Variants in CDH4 observed in about 807,000 individuals in gnomAD.
The protein encoded by CDH4 is cadherin 4.
CDH4 carries 33 observed loss-of-function variants against 86.0 expected under a neutral mutation model. The observed-to-expected ratio is 0.38, with a 90% confidence interval of 0.29 to 0.51. The LOEUF is 0.51. CDH4 is among the 20% of genes least tolerant of loss of function. The pLI is 0.86. For missense variants in CDH4, 1,114 were observed against 1,307.4 expected, an observed-to-expected ratio of 0.85 and a Z score of 2.28; for synonymous variants, 555 against 549.4, an observed-to-expected ratio of 1.01 and a Z score of -0.14.
intron 8 of CDH4, among the ~76,000 whole-genome samples, chr20:61,905,871 G>C (rs756795942): frequency 2.0e-5 from 3 of 151,920 alleles, no homozygotes; most frequent in African/African-American, 2.4e-5. Context: ...CTGGCAGCTT[G>C]AAAAAAAAGA....
At chr20:61,672,299 G>A (rs993126589) in intron 2 of CDH4, among the ~76,000 whole-genome samples, 4 of 152,152 alleles carry the variant, frequency 2.6e-5, no homozygotes, top group African/African-American at 9.7e-5. Flanking sequence ...GGATGGATGG[G>A]TGTGTGGATG....
At chr20:61,786,583 G>A (rs181377683) in intron 4 of CDH4, among the ~76,000 whole-genome samples, 3 of 152,228 alleles carry the variant, frequency 2.0e-5, no homozygotes, top group East Asian at 3.9e-4. Context: ...CTATATTTAC[G>A]CAGCTGAAAG....
intron 2 of CDH4, among the ~76,000 whole-genome samples, chr20:61,736,470 G>T (rs536658419): frequency 4.3e-4 from 65 of 152,288 alleles, no homozygotes; most frequent in Non-Finnish European, 7.6e-4. Flanking sequence ...GTAGAGTGCC[G>T]CACGTCTGAT....
At position 61,773,020 on chromosome 20, in the gene CDH4, G is replaced by T. The variant is rs140797860; in HGVS notation, c.414G>T (p.Lys138Asn). 1.7e-5 allele frequency: 28 copies of T among 1,610,220 alleles called. No individual in the cohort carries two copies. Among genetic ancestry groups the T allele is most frequent in the Non-Finnish European group, 2.4e-5 (28 of 1,177,316 alleles). Residue 138 changes from lysine to asparagine, a missense_variant, in exon 4 of 16, where the codon AAG becomes AAT. Around this residue, in one of 3 missense-constraint regions of CDH4, gnomAD observed 221 missense variants for 209.5 expected, o/e 1.05. Transcript: ENST00000614565. ...AAATAAAGCCGCAGAAAGGAAAGAA[G>T]GTCGTGGCTCTGGACCCCTCTCCGC... ...HSGHKPQKGK[K>N]VVALDPSPPP...
rs547007453 is a variant in CDH4, at chr20:61,858,231, GTGTGTC to G, written c.877+5345_877+5350del. Among the ~76,000 whole-genome samples the G allele has an allele frequency of 2.2e-3, 338 of 150,738 alleles. 3 individuals carry two copies. The highest frequency in any genetic ancestry group is 8.0e-3 in the African/African-American group (327 of 40,980). The stretch of plus-strand genomic sequence containing the variant: ...TATGTGTGTCTGTGTCTCTGTGTCT[GTGTGTC>G]TGTGTCTGTGTGTCTGCGTCTGTGT... On this transcript the variant is annotated intron_variant, in intron 6 of 15. Transcript: ENST00000614565.
chr20:61,374,498 G>A (rs977833807), intron 2 of CDH4, among the ~76,000 whole-genome samples: 4 of 152,176 alleles, frequency 2.6e-5, no homozygotes, highest in Admixed American at 2.6e-4. Context: ...GTGGCCTCGG[G>A]CAAGTTATTT....
chr20:61,626,473 C>T (rs77325282), intron 2 of CDH4, among the ~76,000 whole-genome samples: 3,905 of 150,472 alleles, frequency 0.026, 137 homozygotes, highest in African/African-American at 0.09. Flanking sequence ...ACCCGTGTTC[C>T]CGAAGTCAGT....
chr20:61,656,633 A>G (rs796796796), intron 2 of CDH4, among the ~76,000 whole-genome samples: 38 of 151,896 alleles, frequency 2.5e-4, no homozygotes, highest in African/African-American at 8.9e-4. Context: ...CTCCACAGCC[A>G]CTCTCCTGGG....
At chr20:61,383,756 TATATATGAAGATATATATGC>T (rs1433278852) in intron 2 of CDH4, among the ~76,000 whole-genome samples, 3 of 75,760 alleles carry the variant, frequency 4.0e-5, no homozygotes, top group East Asian at 3.9e-4. Flanking sequence ...GATATATGCA[TATATATGAAGATATATATGC>T]ATATATATGA....
chr20:61,646,394 C>G (rs1433470061), intron 2 of CDH4, among the ~76,000 whole-genome samples: 2 of 152,186 alleles, frequency 1.3e-5, no homozygotes, highest in Admixed American at 6.5e-5. Flanking sequence ...TGACAGCCAC[C>G]CTTCTGAAGG....
intron 4 of CDH4, among the ~76,000 whole-genome samples, chr20:61,805,590 G>C (rs1433022149): frequency 1.3e-5 from 2 of 152,244 alleles, no homozygotes; most frequent in African/African-American, 4.8e-5. Flanking sequence ...CTGCCCGGGG[G>C]TCTCGGACCC....
intron 3 of CDH4, among the ~76,000 whole-genome samples, chr20:61,746,885 G>A (rs1318583326): frequency 6.6e-6 from 1 of 152,238 alleles, no homozygotes; most frequent in Non-Finnish European, 1.5e-5. Flanking sequence ...GGGGGTCACT[G>A]TGGGACGCTG....
chr20:61,936,544 G>A (rs761071475), intron 15 of CDH4, among the ~76,000 whole-genome samples, 193 bp from the exon 16 acceptor site: 9 of 143,288 alleles, frequency 6.3e-5, no homozygotes, highest in East Asian at 6.3e-4. Flanking sequence ...ACACTCCCAC[G>A]CTCCATCTTC....
At chr20:61,638,955 G>A (rs1354542681) in intron 2 of CDH4, among the ~76,000 whole-genome samples, 3 of 152,188 alleles carry the variant, frequency 2.0e-5, no homozygotes, top group African/African-American at 7.2e-5. Context: ...CACTCATGGC[G>A]TTGTGATAAC....
rs960619502 is a variant in CDH4, at chr20:61,510,942, T to TGA, written c.170-232608_170-232607dup. Among the ~76,000 whole-genome samples the TGA allele has an allele frequency of 3.4e-5, 5 of 147,874 alleles. No individual in the cohort carries two copies. The highest frequency in any genetic ancestry group is 1.0e-4 in the African/African-American group (4 of 39,994). ...ACATGTCACAAAATGAAAGCAGGAGTGAGAGAGAGAGAGAAAGTTGGGGGC... is the reference window on the plus strand; with the variant it reads ...ACATGTCACAAAATGAAAGCAGGAGTGAGAGAGAGAGAGAGAAAGTTGGGGGC... On this transcript the variant is annotated intron_variant, in intron 2 of 15. Transcript: ENST00000614565. This position sits in a 1 kb window ranked among gnomAD's most constrained non-coding sequence, Gnocchi z 4.2.
At chr20:61,335,963 TAGAAACGCGGCCCACA>T (rs778806035) in intron 2 of CDH4, among the ~76,000 whole-genome samples, 4 of 152,160 alleles carry the variant, frequency 2.6e-5, no homozygotes, top group Non-Finnish European at 5.9e-5. Context: ...ATGATGAAAG[TAGAAACGCGGCCCACA>T]TCATGATCAC....
intron 2 of CDH4, among the ~76,000 whole-genome samples, chr20:61,261,429 G>T (rs2084127099): frequency 6.6e-6 from 1 of 152,240 alleles, no homozygotes; most frequent in Non-Finnish European, 1.5e-5. Flanking sequence ...AGATGAGGGA[G>T]CATGAGGCTT....
intron 2 of CDH4, among the ~76,000 whole-genome samples, chr20:61,473,632 G>T (rs1215744338): frequency 2.0e-5 from 3 of 152,156 alleles, no homozygotes; most frequent in African/African-American, 7.2e-5. Context: ...TGGGTTCTGT[G>T]ATCTTGTAAT....
chr20:61,444,320 TCTGCACG>T (rs2085331995), intron 2 of CDH4, among the ~76,000 whole-genome samples: 1 of 948 alleles, frequency 1.1e-3, no homozygotes, highest in Non-Finnish European at 2.4e-3. Flanking sequence ...TTTTTGTGTA[TCTGCACG>T]TGTGTTTCTC....
Sources: allele counts gnomAD v4.1 joint callset (sites outside exome capture counted in the v4.1 genomes callset), GRCh38; gene constraint gnomAD v4.1.1; regional missense constraint gnomAD v4.1.1; non-coding constraint Gnocchi (gnomAD v3.1); transcripts MANE v1.5; gene names NCBI Gene and HGNC (gene_info 2026-07-23, HGNC 2026-07-21).